Variants in KAZN observed in about 807,000 individuals in gnomAD.
The protein encoded by KAZN is kazrin, periplakin interacting protein.
KAZN carries 40 observed loss-of-function variants against 87.4 expected under a neutral mutation model. That is an observed-to-expected ratio of 0.46 (90% confidence interval 0.36 to 0.60). KAZN has a LOEUF of 0.60. KAZN is among the 20% of genes least tolerant of loss of function. KAZN has a pLI of 0.00. For missense variants in KAZN, 898 were observed against 1,073.9 expected, an observed-to-expected ratio of 0.84 and a Z score of 2.29; for synonymous variants, 466 against 458.3, an observed-to-expected ratio of 1.02 and a Z score of -0.22.
At chr1:14,242,878 C>T (rs1048067674) in intron 2 of KAZN, among the ~76,000 whole-genome samples, 6 of 152,052 alleles carry the variant, frequency 3.9e-5, no homozygotes, top group African/African-American at 1.2e-4. Context: ...TCTCTCAAAA[C>T]GAATACAACA....
At position 14,251,812 on chromosome 1, in the gene KAZN, C is replaced by G. The variant is rs546846697; in HGVS notation, c.249+71220C>G. 7.9e-5 allele frequency among the ~76,000 whole-genome samples: 12 copies of G among 151,914 alleles called. No homozygotes were observed. In the South Asian group the frequency reaches 2.1e-3, roughly 26 times the overall value. On this transcript the variant is annotated intron_variant, in intron 2 of 16. Transcript: ENST00000636203. ...TACAGATGCATGCAACCAAGCCCAG[C>G]TAATTTTTGTATTTTTTGTAGAGAC... is the stretch of plus-strand genomic sequence containing the variant.
chr1:14,498,461 G>A (rs1670070187), intron 2 of KAZN, among the ~76,000 whole-genome samples: 1 of 152,188 alleles, frequency 6.6e-6, no homozygotes, highest in Admixed American at 6.5e-5. Flanking sequence ...GGAGGCCGAG[G>A]CAGGTGGATC....
At chr1:13,922,748 C>T (rs940389170) in intron 1 of KAZN, among the ~76,000 whole-genome samples, 21 of 152,188 alleles carry the variant, frequency 1.4e-4, no homozygotes, top group African/African-American at 4.1e-4. Flanking sequence ...ATGAGGACAA[C>T]GTGTCCAGCT....
intron 1 of KAZN, among the ~76,000 whole-genome samples, chr1:14,852,895 C>A (rs935127105): frequency 6.6e-6 from 1 of 152,214 alleles, no homozygotes; most frequent in African/African-American, 2.4e-5. Context: ...AGACCCCTCC[C>A]AGACCTGCTG....
chr1:14,128,106 G>T (rs1202185352), intron 1 of KAZN, among the ~76,000 whole-genome samples: 1 of 152,190 alleles, frequency 6.6e-6, no homozygotes, highest in Non-Finnish European at 1.5e-5. Context: ...AGCCAGTGGG[G>T]CAGTGAGCTC....
intron 1 of KAZN, among the ~76,000 whole-genome samples, chr1:14,772,063 T>G (rs949485365): frequency 6.6e-6 from 1 of 152,160 alleles, no homozygotes; most frequent in African/African-American, 2.4e-5. Flanking sequence ...TGGTGGAGGA[T>G]GGAAGACCTT....
intron 2 of KAZN, among the ~76,000 whole-genome samples, chr1:14,528,557 G>A (rs912013029): frequency 1.3e-5 from 2 of 151,340 alleles, no homozygotes; most frequent in African/African-American, 4.9e-5. Flanking sequence ...GCCGAGGTGG[G>A]AGGATTGCTT....
chr1:14,398,484 T>C (rs12091027), intron 2 of KAZN, among the ~76,000 whole-genome samples: 3,710 of 152,292 alleles, frequency 0.024, 181 homozygotes, highest in African/African-American at 0.086. Context: ...CAGCAAGCAC[T>C]GTAGAAGTGT....
At chr1:14,146,954 A>G (rs1275543366) in intron 1 of KAZN, among the ~76,000 whole-genome samples, 1 of 152,106 alleles carries the variant, frequency 6.6e-6, no homozygotes, top group Non-Finnish European at 1.5e-5. Context: ...CAGTGAGACC[A>G]ACCTCTCCCC....
intron 1 of KAZN, among the ~76,000 whole-genome samples, chr1:14,851,819 C>T (rs1649479588): frequency 6.6e-6 from 1 of 152,200 alleles, no homozygotes; most frequent in Admixed American, 6.5e-5. Context: ...GACGCCTTCT[C>T]ATAGCAGTCA....
chr1:14,682,368 G>A (rs148685831), intron 1 of KAZN, among the ~76,000 whole-genome samples: 31 of 151,296 alleles, frequency 2.0e-4, no homozygotes, highest in African/African-American at 7.5e-4. Flanking sequence ...ACACATTGCA[G>A]CCTCGACCTC....
chr1:14,945,365 G>A lies in KAZN; in HGVS notation c.227-15319G>A, dbSNP rs1001058476. Among the ~76,000 whole-genome samples the A allele has an allele frequency of 3.3e-5, 5 of 152,230 alleles. No homozygotes were observed. The East Asian group carries it at 5.8e-4, about 18-fold the overall frequency. On this transcript the variant is annotated intron_variant, in intron 1 of 14. Coordinates refer to ENST00000376030, the MANE Select transcript of KAZN (RefSeq NM_201628.3). ...GGAGTGTGGGAAAACGTCCCAGGCC[G>A]GAAGGGCCCTCCCCTCTGCCCCCAC...
At chr1:14,677,015 A>G (rs940394858) in intron 1 of KAZN, among the ~76,000 whole-genome samples, 48 of 152,184 alleles carry the variant, frequency 3.2e-4, no homozygotes, top group Non-Finnish European at 7.3e-5. Flanking sequence ...AAGCTATAGG[A>G]TCCATAGCAT....
At chr1:14,677,175 G>A (rs1572199754) in intron 1 of KAZN, among the ~76,000 whole-genome samples, 1 of 152,230 alleles carries the variant, frequency 6.6e-6, no homozygotes, top group East Asian at 1.9e-4. Flanking sequence ...GAGAAGTGAA[G>A]GCCCATGATC....
At chr1:15,040,953 T>C (rs1672831924) in intron 3 of KAZN, among the ~76,000 whole-genome samples, 1 of 109,442 alleles carries the variant, frequency 9.1e-6, no homozygotes. Flanking sequence ...TGTTTTTTGT[T>C]TTTTTTATTT....
intron 1 of KAZN, among the ~76,000 whole-genome samples, chr1:14,746,527 C>T (rs1644265036): frequency 6.6e-6 from 1 of 151,728 alleles, no homozygotes; most frequent in Non-Finnish European, 1.5e-5. Context: ...CTTAGACTTT[C>T]CTGCAGGCCA....
chr1:14,531,564 CTTGGGGATTGTGGGG>C (rs1015188520), intron 2 of KAZN, among the ~76,000 whole-genome samples: 4 of 151,836 alleles, frequency 2.6e-5, no homozygotes, highest in Non-Finnish European at 5.9e-5. Flanking sequence ...ACTAGAGGGG[CTTGGGGATTGTGGGG>C]TTGGGATACA....
chr1:14,071,241 A>T (rs1159476671), intron 1 of KAZN, among the ~76,000 whole-genome samples: 1 of 152,140 alleles, frequency 6.6e-6, no homozygotes. Flanking sequence ...ACTGGGATTC[A>T]GGGTCTGTTT....
intron 2 of KAZN, among the ~76,000 whole-genome samples, chr1:14,571,640 C>T (rs1674870974): frequency 6.6e-6 from 1 of 152,112 alleles, no homozygotes; most frequent in African/African-American, 2.4e-5. Context: ...CACTCCATCC[C>T]CCTATAAAGG....
Sources: gnomAD v4.1 joint callset for allele counts (sites outside exome capture counted in the v4.1 genomes callset) on GRCh38, gnomAD v4.1.1 for gene constraint, MANE v1.5 for transcripts, NCBI Gene and HGNC (gene_info 2026-07-23, HGNC 2026-07-21) for gene names.